The following ESCO2 variants were observed in gnomAD, a reference collection of about 807,000 sequenced individuals.
ESCO2 encodes the protein N-acetyltransferase ESCO2.
A neutral mutation model predicts 61.7 loss-of-function variants in ESCO2; 51 were observed. That is an observed-to-expected ratio of 0.83 (90% CI 0.66 to 1.04). The LOEUF is 1.04. Ranked by LOEUF, ESCO2 falls within the 50% of genes least tolerant of loss-of-function variation. The pLI is 0.00. For missense variants in ESCO2, 692 were observed against 686.2 expected (o/e 1.01, Z -0.09); for synonymous variants, 230 against 238.2 (o/e 0.97, Z 0.32).
chr8:27,810,411 T>G (rs1175648208), downstream of ESCO2: 1 of 1,604,098 alleles, frequency 6.2e-7, no homozygotes, highest in Non-Finnish European at 8.5e-7. Context: ...CTGGTATGAT[T>G]CATCCAGTTC....
At chr8:27,792,601 A>G in intron 8 of ESCO2, 67 bp from the exon 9 acceptor site, 1 of 1,467,778 alleles carries the variant, frequency 6.8e-7, no homozygotes, top group Non-Finnish European at 9.4e-7. Flanking sequence ...TTCTGTGTAT[A>G]TAAATATGTA....
At chr8:27,813,103 T>C (rs906812207), downstream of ESCO2, among the ~76,000 whole-genome samples, 3 of 152,086 alleles carry the variant, frequency 2.0e-5, no homozygotes, top group African/African-American at 7.2e-5. Context: ...ATTAAGAAAA[T>C]GTGGCACATA....
In ESCO2 at chr8:27,804,267, CTTAG is replaced by C. The variant is rs1322600103; in HGVS notation, c.*833_*836del. On this transcript the variant is annotated 3_prime_UTR_variant, in exon 11 of 11. Coordinates refer to ENST00000305188, the MANE Select transcript of ESCO2 (RefSeq NM_001017420.3). ...ATTATACTTAGTAATTGCACTATTACTTAGTTAATTTTTGTTGTATGGAAATATT... is the reference window on the plus strand; with the variant it reads ...ATTATACTTAGTAATTGCACTATTACTTAATTTTTGTTGTATGGAAATATT... The C allele has an allele frequency of 2.5e-4, 248 of 984,722 alleles. No individual in the cohort carries two copies. The highest frequency in any genetic ancestry group is 2.9e-4 in the Non-Finnish European group (241 of 829,498). The allele number at this position is 984,722 out of a possible 1,614,324, so 61.0% of individuals were successfully genotyped here.
intron 2 of ESCO2, among the ~76,000 whole-genome samples, chr8:27,775,954 T>TTA (rs1804779838): frequency 6.6e-6 from 1 of 152,226 alleles, no homozygotes; most frequent in Non-Finnish European, 1.5e-5. Context: ...CTAGAAAGAC[T>TTA]GTGTACTCAG....
chr8:27,813,370 G>T (rs771041435), downstream of ESCO2, among the ~76,000 whole-genome samples: 23 of 152,104 alleles, frequency 1.5e-4, no homozygotes, highest in Admixed American at 2.0e-4. Context: ...TAAATGACTA[G>T]TTAATGGGTG....
intron 10 of ESCO2, among the ~76,000 whole-genome samples, chr8:27,800,610 T>C (rs1385241810): frequency 3.3e-5 from 5 of 152,178 alleles, no homozygotes. Context: ...CTCCTAGGTA[T>C]ATACTCAAGA....
Position 27,780,257 on chromosome 8 carries a change from G to C in ESCO2, c.945G>C (p.Glu315Asp), listed in dbSNP as rs1392420345. The part of the protein sequence containing the change: ...EAFSSEDSLG[E>D]NKTISPKSTV... ...TTTCTTCAGAGGATTCTCTTGGTGAGAATAAGACAAGTAAGAGAAAACTCG... is the reference window on the plus strand; with the variant it reads ...TTTCTTCAGAGGATTCTCTTGGTGACAATAAGACAAGTAAGAGAAAACTCG... Residue 315 changes from glutamate (E) to aspartate (D), a missense_variant, in exon 4 of 11, where the codon GAG becomes GAC. Physicochemically the swap from Glu to Asp is conservative, Grantham distance 45 (BLOSUM62 2). Coordinates refer to ENST00000305188, the MANE Select transcript of ESCO2 (RefSeq NM_001017420.3). 1 of 1,603,382 alleles carries C rather than the reference G, an allele frequency of 6.2e-7. No homozygotes were observed. The highest frequency in any genetic ancestry group is 2.2e-5 in the East Asian group (1 of 44,712).
At position 27,802,794 on chromosome 8, in the gene ESCO2, T is replaced by A. The variant is rs534436841; in HGVS notation, c.1674-512T>A. Among the ~76,000 whole-genome samples, 11 of 150,344 alleles carry A rather than the reference T, an allele frequency of 7.3e-5. No homozygotes were observed. In the East Asian group the frequency reaches 2.2e-3, roughly 30 times the overall value. On this transcript the variant is annotated intron_variant, in intron 10 of 10. Transcript: ENST00000305188. ...TGGAGTCTCACTCTGTTACCCAGGC[T>A]GGAGTGCAGTGGCGAGATATCGGCT...
the ESCO2 span, among the ~76,000 whole-genome samples, chr8:27,818,866 T>G: frequency 4.6e-5 from 7 of 152,148 alleles, no homozygotes; most frequent in Non-Finnish European, 8.8e-5. Flanking sequence ...TACTGTTACT[T>G]TTTCCCCCAA....
chr8:27,803,549 TACAC>T lies in ESCO2; in HGVS notation c.*126_*129del, dbSNP rs56062620. On this transcript the variant is annotated 3_prime_UTR_variant, in exon 11 of 11. Coordinates refer to ENST00000305188, the MANE Select transcript of ESCO2 (RefSeq NM_001017420.3). ...TAAAAAATACCGAGACTCACACTCA[TACAC>T]ACACACACACACACGCACACACACA... 4.5e-5 allele frequency: 60 copies of T among 1,323,824 alleles called. No homozygotes were observed. Among genetic ancestry groups the T allele is most frequent in the African/African-American group, 9.0e-5 (6 of 66,666 alleles). 82.0% of individuals were successfully genotyped at this position (1,323,824 alleles called of 1,614,324 possible).
At chr8:27,811,011 A>G, downstream of ESCO2, 1 of 1,612,340 alleles carries the variant, frequency 6.2e-7, no homozygotes, top group Non-Finnish European at 8.5e-7. Flanking sequence ...TAAAGTCATC[A>G]TTTCCCACAA....
chr8:27,788,893 G>A lies in ESCO2; in HGVS notation c.1178G>A (p.Gly393Asp), dbSNP rs1292000406. Residue 393 changes from glycine (G) to aspartate (D), a missense_variant, in exon 7 of 11, where the codon GGT becomes GAT. Coordinates refer to ENST00000305188, the MANE Select transcript of ESCO2 (RefSeq NM_001017420.3). ...HFGATVCKSC[G>D]MIYTASNPED... is the part of the protein sequence containing the mutation. ...GGGGCTACTGTGTGCAAGTCTTGTGGTATGATATATACTGCTTCCAACCCT... is the reference window on the plus strand; with the variant it reads ...GGGGCTACTGTGTGCAAGTCTTGTGATATGATATATACTGCTTCCAACCCT... 1.2e-6 allele frequency: 2 copies of A among 1,613,942 alleles called. No homozygotes were observed. Among genetic ancestry groups the A allele is most frequent in the Non-Finnish European group, 8.5e-7 (1 of 1,180,004 alleles).
At chr8:27,783,907 G>C in intron 4 of ESCO2, 93 bp from the exon 5 acceptor site, 1 of 1,135,534 alleles carries the variant, frequency 8.8e-7, no homozygotes, top group South Asian at 1.2e-5. Context: ...TTGATCTTGA[G>C]TATTATTTTG....
upstream of ESCO2, chr8:27,774,312 T>C (rs887166903): frequency 2.6e-5 from 4 of 152,122 alleles, no homozygotes; most frequent in African/African-American, 7.2e-5. Context: ...ATTCCCAGAA[T>C]GCACCTAAAC....
intron 10 of ESCO2, among the ~76,000 whole-genome samples, chr8:27,800,813 A>C (rs1805406847): frequency 6.6e-6 from 1 of 152,248 alleles, no homozygotes; most frequent in South Asian, 2.1e-4. Context: ...CCTTGAAAAC[A>C]TTATGCTAAT....
At chr8:27,817,046 C>G (rs1805831383), downstream of ESCO2, among the ~76,000 whole-genome samples, 1 of 152,074 alleles carries the variant, frequency 6.6e-6, no homozygotes, top group South Asian at 2.1e-4. Flanking sequence ...AATAGAAAGC[C>G]TTTGCCTACA....
chr8:27,784,340 ATTATC>A (rs1349092136), intron 5 of ESCO2, among the ~76,000 whole-genome samples: 1 of 152,164 alleles, frequency 6.6e-6, no homozygotes, highest in Non-Finnish European at 1.5e-5. Context: ...TTTTATATCT[ATTATC>A]TTAATTTTCA....
chr8:27,792,599 A>G, intron 8 of ESCO2, 69 bp from the exon 9 acceptor site: 1 of 1,456,422 alleles, frequency 6.9e-7, no homozygotes, highest in Non-Finnish European at 9.4e-7. Flanking sequence ...CATTCTGTGT[A>G]TATAAATATG....
chr8:27,777,372 G>C (rs1186937560), intron 3 of ESCO2: 3 of 426,160 alleles, frequency 7.0e-6, no homozygotes, highest in Non-Finnish European at 1.2e-5. Flanking sequence ...GTGGCACACT[G>C]CTCACTACAG....
Sources: allele counts gnomAD v4.1 joint callset (sites outside exome capture counted in the v4.1 genomes callset), GRCh38; gene constraint gnomAD v4.1.1; transcripts MANE v1.5; gene names NCBI Gene and HGNC (gene_info 2026-07-23, HGNC 2026-07-21).